SLC28A1: variants seen among roughly 807,000 people sequenced by gnomAD.
SLC28A1 encodes the protein solute carrier family 28 member 1.
In SLC28A1, 64 loss-of-function variants were observed where a neutral mutation model predicts 74.8. The ratio of observed to expected loss-of-function variants is 0.86; its 90% CI spans 0.70 to 1.05. The LOEUF is 1.05. Ranked by LOEUF, SLC28A1 falls within the 50% of genes least tolerant of loss-of-function variation. The pLI, the probability that SLC28A1 is intolerant of heterozygous loss-of-function variation, is 0.00. For missense variants in SLC28A1, 828 were observed against 822.8 expected (o/e 1.01, Z -0.08); for synonymous variants, 359 against 335.0 (o/e 1.07, Z -0.78).
At chr15:84,969,529 G>GT in the SLC28A1 span, among the ~76,000 whole-genome samples, 5 of 151,522 alleles carry the variant, frequency 3.3e-5, no homozygotes, top group East Asian at 5.8e-4. Flanking sequence ...GGAGCACCCT[G>GT]CCCCCCGACT....
intron 4 of SLC28A1, among the ~76,000 whole-genome samples, chr15:84,889,840 T>C (rs982653651): frequency 6.6e-6 from 1 of 150,794 alleles, no homozygotes; most frequent in Non-Finnish European, 1.5e-5. Flanking sequence ...GCTTGCTTTC[T>C]CTTCCTTCCT....
At chr15:84,930,960 T>G (rs1434947358) in intron 12 of SLC28A1, among the ~76,000 whole-genome samples, 1 of 152,020 alleles carries the variant, frequency 6.6e-6, no homozygotes, top group Non-Finnish European at 1.5e-5. Flanking sequence ...TTATTAGAGA[T>G]GGGGGTTTCA....
intron 8 of SLC28A1, among the ~76,000 whole-genome samples, chr15:84,908,260 T>C (rs1430382089): frequency 1.4e-5 from 2 of 139,576 alleles, no homozygotes; most frequent in Non-Finnish European, 3.0e-5. Flanking sequence ...CTTGGCTCAC[T>C]GCAACCTCTG....
intron 15 of SLC28A1, among the ~76,000 whole-genome samples, chr15:84,939,912 C>T (rs1009013410): frequency 6.6e-6 from 1 of 152,140 alleles, no homozygotes; most frequent in African/African-American, 2.4e-5. Context: ...GTAGCCTCTG[C>T]CTCCTAGGCT....
At chr15:84,973,143 G>A in the SLC28A1 span, among the ~76,000 whole-genome samples, 385 of 152,150 alleles carry the variant, frequency 2.5e-3, 2 homozygotes, top group Non-Finnish European at 4.2e-3. Flanking sequence ...AGCTATCCTG[G>A]CCCTCTTTCA....
At chr15:84,965,910 G>C in the SLC28A1 span, among the ~76,000 whole-genome samples, 87 of 148,338 alleles carry the variant, frequency 5.9e-4, no homozygotes, top group Middle Eastern at 0.017. Flanking sequence ...GGGAGGGGGG[G>C]GAAATATTAG....
intron 6 of SLC28A1, among the ~76,000 whole-genome samples, chr15:84,900,894 G>GGAAGGAAGGAAC (rs1444315600): frequency 4.0e-5 from 6 of 151,152 alleles, no homozygotes; most frequent in African/African-American, 1.2e-4. Flanking sequence ...AAGGAAGGAA[G>GGAAGGAAGGAAC]GAAGGAAGGA....
At chr15:84,938,129 G>A (rs980937399) in intron 15 of SLC28A1, among the ~76,000 whole-genome samples, 3 of 151,954 alleles carry the variant, frequency 2.0e-5, no homozygotes, top group East Asian at 1.9e-4. Flanking sequence ...GAACCCAGGA[G>A]GGGGAGGTTG....
intron 12 of SLC28A1, among the ~76,000 whole-genome samples, chr15:84,930,976 T>C (rs12915729): frequency 0.48 from 72,494 of 151,800 alleles, 18,253 homozygotes; most frequent in East Asian, 0.93. Flanking sequence ...TTTCACTAAG[T>C]TGGCCAGACT....
At chr15:84,906,992 T>C (rs898265724) in intron 8 of SLC28A1, among the ~76,000 whole-genome samples, 6 of 152,110 alleles carry the variant, frequency 3.9e-5, no homozygotes, top group African/African-American at 1.4e-4. Context: ...GTGGAGGAGG[T>C]TGGCTTTATA....
chr15:84,958,256 AACCCTGTGTTATCTTATTCCACC>A, the SLC28A1 span, among the ~76,000 whole-genome samples: 2 of 152,038 alleles, frequency 1.3e-5, no homozygotes, highest in Non-Finnish European at 2.9e-5. Context: ...TTCCTTCTGG[AACCCTGTGTTATCTTATTCCACC>A]TGGTTCTCTT....
chr15:84,918,285 C>A (rs914379866), intron 9 of SLC28A1, among the ~76,000 whole-genome samples: 2 of 152,122 alleles, frequency 1.3e-5, no homozygotes, highest in African/African-American at 4.8e-5. Flanking sequence ...AGGGGGTGGT[C>A]TGGCGGCTGG....
rs1966607924 is a variant in SLC28A1 at position 84,900,881 on chromosome 15, AG to A, written c.462-3214del. Among the ~76,000 whole-genome samples the A allele has an allele frequency of 5.9e-5, 4 of 67,858 alleles. No homozygotes were observed. The South Asian group carries it at 4.4e-3, about 74-fold the overall frequency. 44.5% of individuals were successfully genotyped at this position (67,858 alleles called of 152,430 possible). ...GGGAAGGGTGAAAGGCAAGGAAGGA[AG>A]GAAGGAAGGAAGGAAGGAAGGAAGG... On this transcript the variant is annotated intron_variant, in intron 6 of 18. Coordinates refer to ENST00000394573, the MANE Select transcript of SLC28A1 (RefSeq NM_004213.5).
rs568711536 is a variant in SLC28A1, at chr15:84,889,863, T to C, written c.186-580T>C. Among the ~76,000 whole-genome samples, 97 of 146,444 alleles carry C rather than the reference T, an allele frequency of 6.6e-4. 2 individuals are homozygous for C. The East Asian group carries it at 7.7e-3, about 12-fold the overall frequency. On this transcript the variant is annotated intron_variant, in intron 4 of 18. Transcript: ENST00000394573. The stretch of plus-strand genomic sequence containing the variant: ...TCTCTTCCTTCCTTCCTTTCTCTCT[T>C]TTTTTTTTTTTAGGCAGGTCTCACT...
chr15:84,928,582 CTTTCTTTCTT>C (rs1970837809), intron 12 of SLC28A1, among the ~76,000 whole-genome samples: 1 of 19,134 alleles, frequency 5.2e-5, no homozygotes, highest in Non-Finnish European at 8.8e-5. Flanking sequence ...TTCTTTCTTT[CTTTCTTTCTT>C]TCTTTCTTTC....
chr15:84,948,646 G>T (rs902347648), downstream of SLC28A1, among the ~76,000 whole-genome samples: 7 of 152,204 alleles, frequency 4.6e-5, no homozygotes, highest in East Asian at 1.4e-3. Context: ...CTTTTCCTTG[G>T]ATTCCATGAC....
chr15:84,935,127 T>A lies in SLC28A1; in HGVS notation c.1316T>A (p.Leu439Gln), dbSNP rs751139314. 6.8e-6 allele frequency: 11 copies of A among 1,614,082 alleles called. No individual in the cohort carries two copies. The highest frequency in any genetic ancestry group is 9.3e-6 in the Non-Finnish European group (11 of 1,180,016). The change falls in exon 14 of 19, where the codon CTG becomes CAG. Residue 439 changes from leucine to glutamine, a missense_variant. Leu to Gln is a moderately radical substitution (Grantham distance 113). Around this residue, in one of 3 missense-constraint regions of SLC28A1, gnomAD observed 767 missense variants for 753.5 expected, o/e 1.02. Transcript: ENST00000394573. ...AACCTGATTGCGTTCCTGGCTGTGCTGGACTTTATCAATGCTGCCCTCTCC... is the reference window on the plus strand; with the variant it reads ...AACCTGATTGCGTTCCTGGCTGTGCAGGACTTTATCAATGCTGCCCTCTCC... ...AANLIAFLAV[L>Q]DFINAALSWL...
At chr15:84,899,959 GGA>G (rs1966453557) in intron 6 of SLC28A1, among the ~76,000 whole-genome samples, 1 of 114,500 alleles carries the variant, frequency 8.7e-6, no homozygotes, top group Non-Finnish European at 2.1e-5. Flanking sequence ...AAGGAAGGAA[GGA>G]AGGAAAGAAG....
intron 13 of SLC28A1, among the ~76,000 whole-genome samples, chr15:84,934,196 C>T (rs551304475): frequency 6.6e-6 from 1 of 152,352 alleles, no homozygotes; most frequent in East Asian, 1.9e-4. Context: ...AAAATGCGCA[C>T]TCCAGTTCTC....
Sources: allele counts gnomAD v4.1 joint callset (sites outside exome capture counted in the v4.1 genomes callset), GRCh38; gene constraint gnomAD v4.1.1; regional missense constraint gnomAD v4.1.1; transcripts MANE v1.5; gene names NCBI Gene and HGNC (gene_info 2026-07-23, HGNC 2026-07-21).